The following USP3 variants were observed in gnomAD, a reference collection of about 807,000 sequenced individuals.
USP3 encodes the protein ubiquitin carboxyl-terminal hydrolase 3.
Under a neutral mutation model 72.3 loss-of-function variants are expected in USP3, and 20 were observed. The ratio of observed to expected loss-of-function variants is 0.28; its 90% confidence interval spans 0.19 to 0.40. The LOEUF (loss-of-function observed/expected upper bound fraction) is 0.40. Ranked by LOEUF, USP3 falls within the 10% of genes least tolerant of loss-of-function variation. The pLI is 1.00. For synonymous variants in USP3, 222 were observed against 225.3 expected (o/e 0.99, Z 0.13); for missense variants, 479 against 633.9 (o/e 0.76, Z 2.62).
At chr15:63,504,883 C>G (rs2065687000) in intron 1 of USP3, 53 bp downstream of exon 1, 5 of 1,419,070 alleles carry the variant, frequency 3.5e-6, no homozygotes, top group Non-Finnish European at 3.7e-6. Context: ...GCGGCTCTGC[C>G]GGGCCTGCCG....
chr15:63,547,033 T>G (rs1461413596), intron 3 of USP3, among the ~76,000 whole-genome samples: 1 of 152,248 alleles, frequency 6.6e-6, no homozygotes, highest in Non-Finnish European at 1.5e-5. Context: ...CCTTTGCTAC[T>G]TATTTTCTTT....
At chr15:63,590,504 C>T (rs1424164760) in intron 14 of USP3, among the ~76,000 whole-genome samples, 157 bp from the exon 15 acceptor site, 2 of 152,178 alleles carry the variant, frequency 1.3e-5, no homozygotes, top group Non-Finnish European at 2.9e-5. Context: ...GATTTCTGGT[C>T]AGTTTGGAGG....
chr15:63,533,986 C>A, intron 2 of USP3: 1 of 576,528 alleles, frequency 1.7e-6, no homozygotes, highest in Non-Finnish European at 2.2e-6. Context: ...GCTCTACAAC[C>A]TAAATCTTGA....
intron 6 of USP3, among the ~76,000 whole-genome samples, chr15:63,559,313 C>T (rs2066565896): frequency 6.6e-6 from 1 of 152,222 alleles, no homozygotes; most frequent in East Asian, 1.9e-4. Flanking sequence ...TTTAATGAGA[C>T]ATCAAAGGCC....
At chr15:63,569,788 G>A (rs1325106725) in intron 8 of USP3, among the ~76,000 whole-genome samples, 1 of 152,144 alleles carries the variant, frequency 6.6e-6, no homozygotes, top group African/African-American at 2.4e-5. Context: ...ACTGTAAGAA[G>A]TAACCTAAGA....
chr15:63,532,708 G>C lies in USP3; in HGVS notation c.152+1G>C. 1 of 1,613,910 alleles carries C rather than the reference G, an allele frequency of 6.2e-7. No individual in the cohort carries two copies. Among genetic ancestry groups the C allele is most frequent in the Non-Finnish European group, 8.5e-7 (1 of 1,179,876 alleles). ...CTTGTTCAAGTGTCCACTGTGGAAG[G>C]TAGGTGACATACTTATTACTTCACT... On this transcript the variant is annotated splice_donor_variant, in intron 2 of 14. Transcript: ENST00000380324. LOFTEE classifies it high-confidence loss of function.
In USP3 at chr15:63,537,056, G is replaced by A; in HGVS notation, c.184G>A (p.Glu62Lys). Residue 62 changes from glutamate to lysine, a missense_variant, in exon 3 of 15, where the codon GAA (glutamate) becomes AAA (lysine). Glu to Lys is a moderately conservative substitution (Grantham distance 56). Transcript: ENST00000380324. ...YVNGHAKKHY[E>K]DAQVPLTNHK... Reference sequence around the variant, plus strand: ...GAATGGCCATGCAAAAAAACATTATGAAGATGCACAAGTACCTTTAACCAA... The same window carrying A: ...GAATGGCCATGCAAAAAAACATTATAAAGATGCACAAGTACCTTTAACCAA... 1.2e-6 allele frequency: 2 copies of A among 1,613,904 alleles called. No individual in the cohort carries two copies. Among genetic ancestry groups the A allele is most frequent in the Non-Finnish European group, 1.7e-6 (2 of 1,179,914 alleles).
chr15:63,562,769 T>G (rs1040687796), intron 7 of USP3, 126 bp from the exon 8 acceptor site: 2 of 575,650 alleles, frequency 3.5e-6, no homozygotes, highest in African/African-American at 3.8e-5. Flanking sequence ...CAGACTTTCT[T>G]CAGAAAAGAC....
At chr15:63,561,660 C>CT (rs2066609947) in intron 7 of USP3, among the ~76,000 whole-genome samples, 1 of 152,256 alleles carries the variant, frequency 6.6e-6, no homozygotes, top group Non-Finnish European at 1.5e-5. Flanking sequence ...TACCTGTGCT[C>CT]TGACTGCAAG....
intron 1 of USP3, among the ~76,000 whole-genome samples, chr15:63,505,240 C>T (rs1398203423): frequency 6.6e-6 from 1 of 152,094 alleles, no homozygotes; most frequent in African/African-American, 2.4e-5. Context: ...TGGCGGGGCC[C>T]GCGCCGCGCT....
chr15:63,549,136 A>C (rs1426132919), intron 3 of USP3, among the ~76,000 whole-genome samples: 1 of 152,216 alleles, frequency 6.6e-6, no homozygotes, highest in Admixed American at 6.5e-5. Context: ...TATTAGAGAT[A>C]GTTTGCACTT....
At position 63,544,402 on chromosome 15, in the gene USP3, A is replaced by T. The variant is rs2066290789; in HGVS notation, c.284+7246A>T. On this transcript the variant is annotated intron_variant, in intron 3 of 14. Transcript: ENST00000380324. This position sits in a 1 kb window ranked among gnomAD's most constrained non-coding sequence, Gnocchi z 4.2. ...GGTCTGGTAGAAAGAAAGTAACTTT[A>T]TTAACCAAAACTAGTGAAAGGGGAA... 4 of 342,214 alleles carry T rather than the reference A, an allele frequency of 1.2e-5. No individual in the cohort carries two copies. In the South Asian group the frequency reaches 1.3e-4, roughly 11 times the overall value. The allele number at this position is 342,214 out of a possible 1,614,324, so 21.2% of individuals were successfully genotyped here.
chr15:63,558,692 T>C (rs1435050191), intron 6 of USP3, among the ~76,000 whole-genome samples: 2 of 151,820 alleles, frequency 1.3e-5, no homozygotes, highest in Non-Finnish European at 2.9e-5. Flanking sequence ...CTGGCCAACA[T>C]AGTGAAACCC....
intron 1 of USP3, among the ~76,000 whole-genome samples, chr15:63,506,042 T>C (rs561389623): frequency 6.6e-6 from 1 of 152,310 alleles, no homozygotes; most frequent in East Asian, 1.9e-4. Flanking sequence ...GGATAAGGAA[T>C]AGAAATAACT....
chr15:63,538,768 A>C (rs1019752593), intron 3 of USP3, among the ~76,000 whole-genome samples: 1 of 151,916 alleles, frequency 6.6e-6, no homozygotes, highest in African/African-American at 2.4e-5. Flanking sequence ...GGATGGTCTC[A>C]ATCTCTTGAC....
intron 8 of USP3, among the ~76,000 whole-genome samples, chr15:63,566,166 G>T (rs2066687275): frequency 6.6e-6 from 1 of 152,014 alleles, no homozygotes; most frequent in Non-Finnish European, 1.5e-5. Flanking sequence ...TTTTAAATCA[G>T]TTCTTGTTAT....
At chr15:63,526,561 C>T (rs549654069) in intron 1 of USP3, among the ~76,000 whole-genome samples, 11 of 152,290 alleles carry the variant, frequency 7.2e-5, no homozygotes, top group African/African-American at 1.7e-4. Flanking sequence ...TAGAGTGTTG[C>T]ACTTTAAAAA....
In USP3 at chr15:63,529,053, A is replaced by T; in HGVS notation, c.92-3594A>T. 7.8e-7 allele frequency: 1 copy of T among 1,288,968 alleles called. No homozygotes were observed. The highest frequency in any genetic ancestry group is 1.2e-5 in the South Asian group (1 of 81,016). The allele number at this position is 1,288,968 out of a possible 1,614,324, so 79.8% of individuals were successfully genotyped here. A position where few individuals can be genotyped will look rare whatever the true frequency, so the allele number is the denominator to read the frequency against. ...TCTGGTGTGACTGTATTATGCCCTC[A>T]GAGAGTACTGTATGTTGCCCAGGCT... On this transcript the variant is annotated intron_variant, in intron 1 of 14. Transcript: ENST00000380324. This position sits in a 1 kb window ranked among gnomAD's most constrained non-coding sequence, Gnocchi z 4.2.
At chr15:63,566,851 T>C (rs1046736923) in intron 8 of USP3, among the ~76,000 whole-genome samples, 2 of 152,228 alleles carry the variant, frequency 1.3e-5, no homozygotes, top group Non-Finnish European at 2.9e-5. Flanking sequence ...TGAGTAGGAA[T>C]ACATTTAACT....
Sources: allele counts gnomAD v4.1 joint callset (sites outside exome capture counted in the v4.1 genomes callset), GRCh38; gene constraint gnomAD v4.1.1; non-coding constraint Gnocchi (gnomAD v3.1); transcripts MANE v1.5; gene names NCBI Gene and HGNC (gene_info 2026-07-23, HGNC 2026-07-21).